Variants in TMEM67 observed in about 807,000 individuals in gnomAD.
The protein encoded by TMEM67 is meckelin.
In TMEM67, 124 loss-of-function variants were observed where a neutral mutation model predicts 136.6. That is an observed-to-expected ratio of 0.91 (90% CI 0.78 to 1.05). The LOEUF is 1.05. Among genes scored for constraint, TMEM67 ranks in the 50% least tolerant of loss-of-function variants. TMEM67 has a pLI of 0.00. For synonymous variants in TMEM67, 364 were observed against 390.5 expected, an observed-to-expected ratio of 0.93 and a Z score of 0.80; for missense variants, 1,107 against 1,178.4, an observed-to-expected ratio of 0.94 and a Z score of 0.89.
intron 6 of TMEM67, among the ~76,000 whole-genome samples, chr8:93,768,463 T>C (rs1235594115): frequency 6.6e-6 from 1 of 151,614 alleles, no homozygotes; most frequent in African/African-American, 2.4e-5. Context: ...AATACAAAAA[T>C]TGTCTGGGTG....
downstream of TMEM67, among the ~76,000 whole-genome samples, chr8:93,819,760 C>T (rs1389450796): frequency 6.6e-6 from 1 of 152,114 alleles, no homozygotes; most frequent in Non-Finnish European, 1.5e-5. Flanking sequence ...GCACTACGGG[C>T]AGTTTGAATC....
chr8:93,764,834 A>C (rs1813012670), intron 4 of TMEM67, among the ~76,000 whole-genome samples: 1 of 152,110 alleles, frequency 6.6e-6, no homozygotes. Context: ...GCAAGTGATG[A>C]ATACCCATAT....
At chr8:93,755,704 T>G (rs1812536204) in intron 1 of TMEM67, 74 bp from the exon 2 acceptor site, 1 of 1,003,434 alleles carries the variant, frequency 1.0e-6, no homozygotes, top group Non-Finnish European at 1.5e-6. Context: ...TTATTAAAAG[T>G]TTCACTATCT....
rs1808937990 is a variant in TMEM67, at chr8:93,817,091, A to G, written c.*639A>G. The G allele has an allele frequency of 6.6e-6, 1 of 152,184 alleles. No homozygotes were observed. The highest frequency in any genetic ancestry group is 2.4e-5 in the African/African-American group (1 of 41,432). The allele number at this position is 152,184 out of a possible 1,614,324, so 9.4% of individuals were successfully genotyped here. A position where few individuals can be genotyped will look rare whatever the true frequency, so the allele number is the denominator to read the frequency against. Reference sequence around the variant, plus strand: ...TCAGTATACGCTTTCCATGAAATATATTTGCATTTCTAATATAGTTTACAT... The same window carrying G: ...TCAGTATACGCTTTCCATGAAATATGTTTGCATTTCTAATATAGTTTACAT... On this transcript the variant is annotated 3_prime_UTR_variant, in exon 28 of 28. Coordinates refer to ENST00000453321, the MANE Select transcript of TMEM67 (RefSeq NM_153704.6).
intron 23 of TMEM67, among the ~76,000 whole-genome samples, chr8:93,805,943 G>T (rs1352242424): frequency 2.0e-5 from 3 of 152,212 alleles, no homozygotes; most frequent in Admixed American, 6.5e-5. Context: ...CCATGATGCA[G>T]TAGGAAGTAT....
intron 7 of TMEM67, among the ~76,000 whole-genome samples, chr8:93,773,412 A>G (rs1813407608): frequency 6.6e-6 from 1 of 152,186 alleles, no homozygotes; most frequent in Non-Finnish European, 1.5e-5. Context: ...TCAGTTCTTG[A>G]AAGGATCATT....
intron 6 of TMEM67, among the ~76,000 whole-genome samples, chr8:93,766,666 A>G (rs991927005): frequency 2.0e-5 from 3 of 152,100 alleles, no homozygotes; most frequent in South Asian, 2.1e-4. Flanking sequence ...AGTTGTTAAT[A>G]TCATTATTGT....
At chr8:93,796,094 G>GT (rs1162183897) in intron 18 of TMEM67, 107 bp downstream of exon 18, 5 of 803,104 alleles carry the variant, frequency 6.2e-6, no homozygotes, top group Non-Finnish European at 1.1e-5. Flanking sequence ...ATTCACTTTG[G>GT]TTTTGAAAGA....
intron 16 of TMEM67, chr8:93,795,130 A>G (rs1372488735): frequency 8.0e-6 from 4 of 498,964 alleles, no homozygotes; most frequent in Non-Finnish European, 1.4e-5. Context: ...GAGGATTCCC[A>G]ACTAAGAGAA....
At chr8:93,809,389 G>A (rs968519911) in intron 25 of TMEM67, among the ~76,000 whole-genome samples, 2 of 152,024 alleles carry the variant, frequency 1.3e-5, no homozygotes, top group African/African-American at 4.8e-5. Flanking sequence ...ATTAGGTTAC[G>A]CAAAAGTAAA....
At chr8:93,781,981 C>A (rs1039612393) in intron 10 of TMEM67, among the ~76,000 whole-genome samples, 1 of 151,700 alleles carries the variant, frequency 6.6e-6, no homozygotes, top group Non-Finnish European at 1.5e-5. Flanking sequence ...TGCAGTGGCG[C>A]GATCTCAGCT....
Position 93,755,156 on chromosome 8 carries a change from G to C in TMEM67, c.223+19G>C. 2 of 1,610,946 alleles carry C rather than the reference G, an allele frequency of 1.2e-6. No individual in the cohort carries two copies. The highest frequency in any genetic ancestry group is 8.5e-7 in the Non-Finnish European group (1 of 1,177,232). The stretch of plus-strand genomic sequence containing the variant: ...GCCCGAGGTAAGACGGTTTGCGGTG[G>C]GCCCTGGCAAAAGTAACACTCCCGC... On this transcript the variant is annotated intron_variant, in intron 1 of 27. Coordinates refer to ENST00000453321, the MANE Select transcript of TMEM67 (RefSeq NM_153704.6).
intron 18 of TMEM67, 81 bp from the exon 19 acceptor site, chr8:93,797,053 T>G: frequency 1.2e-6 from 1 of 824,382 alleles, no homozygotes; most frequent in Non-Finnish European, 2.1e-6. Flanking sequence ...AACAGTATGT[T>G]TCTTAAAGAG....
At chr8:93,815,476 C>G in intron 27 of TMEM67, 29 bp downstream of exon 27, 1 of 1,581,834 alleles carries the variant, frequency 6.3e-7, no homozygotes, top group Non-Finnish European at 8.7e-7. Flanking sequence ...TCTACATTTT[C>G]CTTCATTTTC....
intron 20 of TMEM67, among the ~76,000 whole-genome samples, chr8:93,798,906 T>C (rs1814740466): frequency 6.6e-6 from 1 of 151,916 alleles, no homozygotes; most frequent in Non-Finnish European, 1.5e-5. Context: ...AGCTAGTTTA[T>C]CTGTTACCTC....
chr8:93,755,361 T>G lies in TMEM67; in HGVS notation c.223+224T>G, dbSNP rs1390151545. On this transcript the variant is annotated intron_variant, in intron 1 of 27. Coordinates refer to ENST00000453321, the MANE Select transcript of TMEM67 (RefSeq NM_153704.6). ...GTTTAGTGACGTAGAAATGTAAAAT[T>G]TCCAGCAGCAGTTAAGTAGTTTAAT... is the stretch of plus-strand genomic sequence containing the variant. 2.6e-5 allele frequency among the ~76,000 whole-genome samples: 4 copies of G among 152,200 alleles called. No homozygotes were observed. The East Asian group carries it at 7.7e-4, about 29-fold the overall frequency.
rs1253510153 is a variant in TMEM67, at chr8:93,817,250, G to A, written c.*798G>A. 1.3e-5 allele frequency: 2 copies of A among 152,236 alleles called. No homozygotes were observed. Among genetic ancestry groups the A allele is most frequent in the Non-Finnish European group, 2.9e-5 (2 of 68,052 alleles). The allele number at this position is 152,236 out of a possible 1,614,324, so 9.4% of individuals were successfully genotyped here. The stretch of plus-strand genomic sequence containing the variant: ...AAAGACTGTAAATAACAAACAGTAA[G>A]GCTGGGCGCTGTGGCTTACGCCTGT... On this transcript the variant is annotated 3_prime_UTR_variant, in exon 28 of 28. Transcript: ENST00000453321.
At chr8:93,821,644 A>T (rs1460576737), downstream of TMEM67, among the ~76,000 whole-genome samples, 1 of 152,284 alleles carries the variant, frequency 6.6e-6, no homozygotes, top group East Asian at 1.9e-4. Context: ...CATGCCTGTA[A>T]TCCCAGCACC....
intron 12 of TMEM67, 105 bp downstream of exon 12, chr8:93,785,483 TTC>T (rs1356900151): frequency 4.2e-6 from 5 of 1,193,714 alleles, no homozygotes; most frequent in South Asian, 2.5e-5. Flanking sequence ...AGGTCATGAA[TTC>T]TCTCTTATGT....
Sources: allele counts gnomAD v4.1 joint callset (sites outside exome capture counted in the v4.1 genomes callset), GRCh38; gene constraint gnomAD v4.1.1; transcripts MANE v1.5; gene names NCBI Gene and HGNC (gene_info 2026-07-23, HGNC 2026-07-21).